The following LGI2 variants were observed in gnomAD, a reference collection of about 807,000 sequenced individuals.
The protein encoded by LGI2 is leucine-rich repeat LGI family member 2.
In LGI2, 30 loss-of-function variants were observed where a neutral mutation model predicts 52.0. The observed-to-expected ratio is 0.58, with a 90% confidence interval of 0.43 to 0.78. The LOEUF (loss-of-function observed/expected upper bound fraction) is 0.78. Among genes scored for constraint, LGI2 ranks in the 30% least tolerant of loss-of-function variants. The probability of loss-of-function intolerance (pLI) is 0.00; values close to 1 mark genes in which losing one functional copy is unlikely to be tolerated. For synonymous variants in LGI2, 270 were observed against 271.8 expected (o/e 0.99, Z 0.06); for missense variants, 573 against 692.5 (o/e 0.83, Z 1.94).
At chr4:25,027,823 A>G (rs1726197213) in intron 2 of LGI2, among the ~76,000 whole-genome samples, 1 of 152,246 alleles carries the variant, frequency 6.6e-6, no homozygotes, top group Non-Finnish European at 1.5e-5. Flanking sequence ...ATTTGTTTTC[A>G]TCAGCACACA....
intron 6 of LGI2, among the ~76,000 whole-genome samples, chr4:25,015,584 A>G (rs1024817078): frequency 9.2e-5 from 14 of 152,220 alleles, no homozygotes; most frequent in African/African-American, 3.4e-4. Context: ...TGAGTTGAAA[A>G]GGAAAACAAT....
Position 25,021,658 on chromosome 4 carries a change from G to A in LGI2, c.414-2420C>T, listed in dbSNP as rs765250457. ...AACTTTAAAAGTCGCCTGGCCGGGC[G>A]CGGTGGCTCACACCTATAATCCCAA... On this transcript the variant is annotated intron_variant, in intron 4 of 7. Transcript: ENST00000382114. Among the ~76,000 whole-genome samples, 5 of 152,226 alleles carry A rather than the reference G, an allele frequency of 3.3e-5. No individual in the cohort carries two copies. The South Asian group carries it at 6.2e-4, about 19-fold the overall frequency.
chr4:25,022,776 G>C (rs753682915), intron 4 of LGI2, among the ~76,000 whole-genome samples: 35 of 152,212 alleles, frequency 2.3e-4, no homozygotes, highest in Admixed American at 2.0e-4. Flanking sequence ...CCCTCCTGCT[G>C]ATGGAAGAAC....
intron 4 of LGI2, among the ~76,000 whole-genome samples, chr4:25,022,593 G>A (rs763994539): frequency 2.0e-5 from 3 of 152,182 alleles, no homozygotes; most frequent in Non-Finnish European, 4.4e-5. Flanking sequence ...CCACAGAAAA[G>A]GAGGTGCCTC....
chr4:25,018,090 G>A lies in LGI2; in HGVS notation c.554C>T (p.Thr185Ile), dbSNP rs1401300004. 10 of 1,613,574 alleles carry A rather than the reference G, an allele frequency of 6.2e-6. No homozygotes were observed. The highest frequency in any genetic ancestry group is 1.1e-5 in the South Asian group (1 of 90,984). ...AKWLYLWLKM[T>I]NSTVSDVLCI... ...CAGCACATCAGAAACGGTGGAATTT[G>A]TCATCTTCAACCACAGGTATAGCCA... Residue 185 changes from threonine to isoleucine, a missense_variant, in exon 6 of 8, where the codon ACA (threonine) becomes ATA (isoleucine). By Grantham distance (89) the Thr-to-Ile change is moderately conservative (BLOSUM62 -1). Coordinates refer to ENST00000382114, the MANE Select transcript of LGI2 (RefSeq NM_018176.4).
chr4:25,005,896 A>T (rs1184327336), intron 7 of LGI2, among the ~76,000 whole-genome samples: 1 of 152,190 alleles, frequency 6.6e-6, no homozygotes, highest in African/African-American at 2.4e-5. Flanking sequence ...CTCTGTGCTC[A>T]AGTTCCTCAT....
At chr4:25,024,656 G>A (rs1325964061) in intron 4 of LGI2, among the ~76,000 whole-genome samples, 164 bp downstream of exon 4, 4 of 152,232 alleles carry the variant, frequency 2.6e-5, no homozygotes, top group Non-Finnish European at 5.9e-5. Flanking sequence ...AAGTATGTGT[G>A]TACTCACAAT....
At chr4:24,998,290 G>A (rs919824581), downstream of LGI2, among the ~76,000 whole-genome samples, 3 of 152,182 alleles carry the variant, frequency 2.0e-5, no homozygotes, top group African/African-American at 7.2e-5. Context: ...TGTTCTTGAA[G>A]ATTTTCAGAA....
chr4:25,027,014 T>C, intron 2 of LGI2, 75 bp from the exon 3 acceptor site: 1 of 1,160,146 alleles, frequency 8.6e-7, no homozygotes, highest in Non-Finnish European at 1.3e-6. Flanking sequence ...CTCTTTCCTT[T>C]GCTACGTTTT....
intron 3 of LGI2, among the ~76,000 whole-genome samples, chr4:25,026,376 A>T (rs1193267929): frequency 6.6e-6 from 1 of 152,128 alleles, no homozygotes; most frequent in Admixed American, 6.6e-5. Context: ...TTTTTAAGGA[A>T]AAAAATAAAA....
At position 25,003,696 on chromosome 4, in the gene LGI2, TG is replaced by T. The variant is rs757335446; in HGVS notation, c.1392del (p.Met465Ter). On this transcript the variant is annotated frameshift_variant, in exon 8 of 8. Transcript: ENST00000382114. LOFTEE classifies it high-confidence loss of function. ...TTAAAAGAAAAGGGCTGCAGGGTCATGGCCCCCCGGGATGGAAGAGCTTGGA... is the reference window on the plus strand; with the variant it reads ...TTAAAAGAAAAGGGCTGCAGGGTCATGCCCCCCGGGATGGAAGAGCTTGGA... ...VEIQALPSRG[A>X]MTLQPFSFKD... 1 of 1,614,224 alleles carries T rather than the reference TG, an allele frequency of 6.2e-7. No homozygotes were observed. Among genetic ancestry groups the T allele is most frequent in the East Asian group, 2.2e-5 (1 of 44,886 alleles).
intron 3 of LGI2, among the ~76,000 whole-genome samples, chr4:25,025,793 G>T (rs1262009773): frequency 6.6e-6 from 1 of 152,166 alleles, no homozygotes; most frequent in Non-Finnish European, 1.5e-5. Context: ...TTAAAACTGA[G>T]ATGTCTTTTC....
chr4:25,024,462 C>T (rs765097715), intron 4 of LGI2, among the ~76,000 whole-genome samples: 2 of 152,038 alleles, frequency 1.3e-5, no homozygotes, highest in East Asian at 1.9e-4. Flanking sequence ...TGCAGTGAGC[C>T]GAGATCATGC....
At chr4:25,020,469 C>T (rs1011160006) in intron 4 of LGI2, among the ~76,000 whole-genome samples, 8 of 152,194 alleles carry the variant, frequency 5.3e-5, no homozygotes, top group Non-Finnish European at 1.2e-4. Flanking sequence ...GTGATTTCCC[C>T]AGGCACTGCA....
chr4:25,009,065 G>A (rs1260565537), intron 7 of LGI2, among the ~76,000 whole-genome samples: 5 of 152,120 alleles, frequency 3.3e-5, no homozygotes, highest in Admixed American at 1.3e-4. Context: ...TGTTTGACCC[G>A]GTAGCTGGAC....
chr4:25,027,283 TA>T lies in LGI2; in HGVS notation c.270-345del, dbSNP rs1236068107. The stretch of plus-strand genomic sequence containing the variant: ...ATGCTTTATGGTACACAAGCAATCA[TA>T]AAATTAGAGATCTAAAAAGATCTAA... On this transcript the variant is annotated intron_variant, in intron 2 of 7. Coordinates refer to ENST00000382114, the MANE Select transcript of LGI2 (RefSeq NM_018176.4). Among the ~76,000 whole-genome samples, 5 of 150,650 alleles carry T rather than the reference TA, an allele frequency of 3.3e-5. No individual in the cohort carries two copies. In the Admixed American group the frequency reaches 3.3e-4, roughly 10 times the overall value.
chr4:25,014,078 A>G (rs1466224387), intron 6 of LGI2, among the ~76,000 whole-genome samples: 4 of 152,218 alleles, frequency 2.6e-5, no homozygotes, highest in Non-Finnish European at 5.9e-5. Context: ...CAAGATGGCT[A>G]TAAACTCCTC....
the LGI2 span, among the ~76,000 whole-genome samples, chr4:24,992,987 C>T: frequency 6.6e-6 from 1 of 152,192 alleles, no homozygotes; most frequent in Non-Finnish European, 1.5e-5. Context: ...GCCAGAGTTT[C>T]CTGGGTTTAA....
chr4:24,996,244 C>T (rs1725073983), downstream of LGI2, among the ~76,000 whole-genome samples: 1 of 152,182 alleles, frequency 6.6e-6, no homozygotes, highest in South Asian at 2.1e-4. Context: ...AATTCCCACC[C>T]TATGCAAACT....
Sources: allele counts gnomAD v4.1 joint callset (sites outside exome capture counted in the v4.1 genomes callset), GRCh38; gene constraint gnomAD v4.1.1; transcripts MANE v1.5; gene names NCBI Gene and HGNC (gene_info 2026-07-23, HGNC 2026-07-21).